The following CEP152 variants were observed in gnomAD, a reference collection of about 807,000 sequenced individuals.
CEP152 encodes the protein centrosomal protein 152.
Under a neutral mutation model 188.9 loss-of-function variants are expected in CEP152, and 132 were observed. That is an observed-to-expected ratio of 0.70 (90% CI 0.61 to 0.81). The LOEUF (loss-of-function observed/expected upper bound fraction) is 0.81. CEP152 is among the 30% of genes least tolerant of loss of function. CEP152 has a pLI of 0.00. For synonymous variants in CEP152, 649 were observed against 666.6 expected (o/e 0.97, Z 0.41); for missense variants, 1,914 against 1,969.8 (o/e 0.97, Z 0.54).
At chr15:48,794,671 T>C (rs1046783538) in intron 6 of CEP152, among the ~76,000 whole-genome samples, 1 of 152,212 alleles carries the variant, frequency 6.6e-6, no homozygotes, top group Non-Finnish European at 1.5e-5. Context: ...GAAAGGTTTT[T>C]ATATGCAGAA....
intron 12 of CEP152, among the ~76,000 whole-genome samples, chr15:48,777,461 G>A (rs1321901993): frequency 9.7e-6 from 1 of 102,878 alleles, no homozygotes; most frequent in Non-Finnish European, 2.0e-5. Flanking sequence ...TAAAATCTTA[G>A]AATATTGTGT....
chr15:48,739,036 C>T lies in CEP152; in HGVS notation c.4346G>A (p.Ser1449Asn). Residue 1449 changes from serine (S) to asparagine (N), a missense_variant, in exon 27 of 27, where the codon AGT (serine) becomes AAT (asparagine). Coordinates refer to ENST00000380950, the MANE Select transcript of CEP152 (RefSeq NM_001194998.2). ...THLEFQFGDG[S>N]CKHLNSLPRN... ...TGGCAAACTGTTTAGGTGCTTGCAA[C>T]TACCATCCCCAAACTGGAATTCCAA... 6.2e-7 allele frequency: 1 copy of T among 1,614,184 alleles called. No individual in the cohort carries two copies. Among genetic ancestry groups the T allele is most frequent in the Non-Finnish European group, 8.5e-7 (1 of 1,180,018 alleles).
chr15:48,768,000 T>C (rs1416493286), intron 15 of CEP152, among the ~76,000 whole-genome samples: 2 of 152,236 alleles, frequency 1.3e-5, no homozygotes, highest in Non-Finnish European at 1.5e-5. Context: ...ACAGTTTCAA[T>C]GATACTATAG....
downstream of CEP152, among the ~76,000 whole-genome samples, chr15:48,737,451 T>C (rs1326819870): frequency 3.3e-5 from 5 of 152,328 alleles, no homozygotes; most frequent in Middle Eastern, 6.8e-3. Flanking sequence ...ACCTTTAACC[T>C]AGAGCATTAA....
At position 48,772,510 on chromosome 15, in the gene CEP152, CCTT is replaced by C. The variant is rs752378594; in HGVS notation, c.1756_1758del (p.Lys586del). On this transcript the variant is annotated inframe_deletion, in exon 13 of 27. Transcript: ENST00000380950. Reference sequence around the variant, plus strand: ...ACCTCAACCTCAATGCTTTTTTCATCCTTCTTCACTTGGTGGAGATCTTCAATT... The same window carrying C: ...ACCTCAACCTCAATGCTTTTTTCATCCTTCACTTGGTGGAGATCTTCAATT... 8.6e-5 allele frequency: 138 copies of C among 1,612,926 alleles called. No individual in the cohort carries two copies. The African/African-American group carries it at 1.6e-3, about 18-fold the overall frequency.
At chr15:48,768,696 C>G (rs913437248) in intron 14 of CEP152, among the ~76,000 whole-genome samples, 28 of 152,188 alleles carry the variant, frequency 1.8e-4, no homozygotes, top group Non-Finnish European at 5.9e-5. Context: ...GGGTCAAGAG[C>G]TGGCTAAGGA....
rs372487939 is a variant in CEP152, at chr15:48,756,190, G to A, written c.3058C>T (p.Leu1020=). The A allele has an allele frequency of 1.2e-6, 2 of 1,613,962 alleles. No individual in the cohort carries two copies. Among genetic ancestry groups the A allele is most frequent in the South Asian group, 2.2e-5 (2 of 91,046 alleles). ...GTCCATTCTCTACGACTCTGGTCTA[G>A]ACAAGTTTGTAATTCTGTCTCCTTC... is the stretch of plus-strand genomic sequence containing the variant. The part of the protein sequence containing the change: ...LQKETELQTC[L]DQSRREWTMQ... The change falls in exon 20 of 27, where the codon CTA becomes TTA. Residue 1020 remains leucine (L), a synonymous_variant. Coordinates refer to ENST00000380950, the MANE Select transcript of CEP152 (RefSeq NM_001194998.2).
chr15:48,748,870 T>C (rs553298548), intron 21 of CEP152, among the ~76,000 whole-genome samples: 3 of 152,196 alleles, frequency 2.0e-5, no homozygotes, highest in African/African-American at 7.2e-5. Flanking sequence ...AAAATAGTCA[T>C]GAAACCTATT....
In CEP152 at chr15:48,791,302, G is replaced by C. The variant is rs1567022449; in HGVS notation, c.907C>G (p.Gln303Glu). Residue 303 changes from glutamine to glutamate, a missense_variant, in exon 8 of 27, where the codon CAG (glutamine) becomes GAG (glutamate). Physicochemically the swap from Gln to Glu is conservative, Grantham distance 29. Transcript: ENST00000380950. ...LFQNGKEREI[Q>E]LEAQIKALET... The stretch of plus-strand genomic sequence containing the variant: ...AGTGCTTTTATTTGAGCTTCAAGCT[G>C]TATCTCTCTTTCTTTTCCATTCTGA... The C allele has an allele frequency of 6.2e-7, 1 of 1,612,788 alleles. No individual in the cohort carries two copies. Among genetic ancestry groups the C allele is most frequent in the Admixed American group, 1.7e-5 (1 of 60,016 alleles).
chr15:48,776,543 C>T (rs374021810), intron 12 of CEP152, among the ~76,000 whole-genome samples: 1 of 152,172 alleles, frequency 6.6e-6, no homozygotes, highest in East Asian at 1.9e-4. Flanking sequence ...TGAATAAAGA[C>T]TTGACTACAA....
intron 2 of CEP152, among the ~76,000 whole-genome samples, chr15:48,732,532 C>T (rs1892456980): frequency 6.6e-6 from 1 of 151,872 alleles, no homozygotes; most frequent in African/African-American, 2.4e-5. Flanking sequence ...GAACAACACA[C>T]ACCAGGGCCT....
intron 10 of CEP152, among the ~76,000 whole-genome samples, chr15:48,782,663 C>G (rs1192660805): frequency 6.6e-6 from 1 of 152,166 alleles, no homozygotes. Flanking sequence ...AGCATCCCCA[C>G]CTCCACATGT....
Position 48,805,668 on chromosome 15 carries a change from G to C in CEP152, c.-7-12C>G. On this transcript the variant is annotated splice_polypyrimidine_tract_variant and intron_variant, in intron 1 of 26. Transcript: ENST00000380950. ...ATGACATGGTCCTCCTGTGGGAAGG[G>C]AAAGATGTTTGGTTTCTGGACACCA... 1 of 1,613,366 alleles carries C rather than the reference G, an allele frequency of 6.2e-7. No individual in the cohort carries two copies. Among genetic ancestry groups the C allele is most frequent in the Non-Finnish European group, 8.5e-7 (1 of 1,179,692 alleles).
chr15:48,772,353 G>A (rs1041004122), intron 13 of CEP152, 134 bp downstream of exon 13: 6 of 742,150 alleles, frequency 8.1e-6, no homozygotes, highest in African/African-American at 7.0e-5. Flanking sequence ...TGAGGCTACA[G>A]GGAGCCATGT....
At position 48,805,646 on chromosome 15, in the gene CEP152, A is replaced by T. The variant is rs374200686; in HGVS notation, c.4T>A (p.Ser2Thr). 1.7e-4 allele frequency: 269 copies of T among 1,613,286 alleles called. No homozygotes were observed. The highest frequency in any genetic ancestry group is 6.7e-5 in the Admixed American group (4 of 59,972). The stretch of plus-strand genomic sequence containing the variant: ...AGTGCCACACTGCCAAAGTCTAATG[A>T]CATGGTCCTCCTGTGGGAAGGGAAA... MSLDFGSVALPV... is the reference protein window; with the variant it reads MTLDFGSVALPV... Residue 2 changes from serine (S) to threonine (T), a missense_variant, in exon 2 of 27, where the codon TCA becomes ACA. Coordinates refer to ENST00000380950, the MANE Select transcript of CEP152 (RefSeq NM_001194998.2).
rs1894576215 is a variant in CEP152, at chr15:48,760,182, C to T, written c.2647G>A (p.Glu883Lys). 6 of 1,614,106 alleles carry T rather than the reference C, an allele frequency of 3.7e-6. No homozygotes were observed. The highest frequency in any genetic ancestry group is 5.1e-6 in the Non-Finnish European group (6 of 1,179,964). ...LAEYQALVKA[E>K]QKKWEEQHEV... ...TGCTGTTCTTCCCACTTTTTCTGTTCTGCCTTCACAAGTGCTTGATACTCT... is the reference window on the plus strand; with the variant it reads ...TGCTGTTCTTCCCACTTTTTCTGTTTTGCCTTCACAAGTGCTTGATACTCT... The change falls in exon 19 of 27, where the codon GAA (glutamate) becomes AAA (lysine). Residue 883 changes from glutamate to lysine, a missense_variant. By Grantham distance (56) the Glu-to-Lys change is moderately conservative (BLOSUM62 1). Coordinates refer to ENST00000380950, the MANE Select transcript of CEP152 (RefSeq NM_001194998.2).
At chr15:48,740,223 A>G (rs1242208865) in intron 26 of CEP152, among the ~76,000 whole-genome samples, 1 of 152,190 alleles carries the variant, frequency 6.6e-6, no homozygotes, top group Non-Finnish European at 1.5e-5. Flanking sequence ...ATTATGAACT[A>G]TCAGCTTTGT....
intron 19 of CEP152, among the ~76,000 whole-genome samples, chr15:48,757,407 C>T (rs1240967117): frequency 1.3e-5 from 2 of 152,178 alleles, no homozygotes; most frequent in Non-Finnish European, 2.9e-5. Context: ...AGCCCAGAGC[C>T]TGGCAGATGA....
At position 48,760,149 on chromosome 15, in the gene CEP152, A is replaced by T. The variant is rs1190999527; in HGVS notation, c.2680T>A (p.Ser894Thr). Residue 894 changes from serine to threonine, a missense_variant, in exon 19 of 27, where the codon TCT (serine) becomes ACT (threonine). Ser to Thr is a moderately conservative substitution (Grantham distance 58). Transcript: ENST00000380950. The stretch of plus-strand genomic sequence containing the variant: ...AGAGCTCTTACCCTTTTGTTCACAG[A>T]GACCTCATGCTGTTCTTCCCACTTT... ...QKKWEEQHEVSVNKRISFAVS... is the reference protein window; with the variant it reads ...QKKWEEQHEVTVNKRISFAVS... 7 of 1,613,926 alleles carry T rather than the reference A, an allele frequency of 4.3e-6. No individual in the cohort carries two copies. Among genetic ancestry groups the T allele is most frequent in the African/African-American group, 1.3e-5 (1 of 74,934 alleles).
Sources: gnomAD v4.1 joint callset for allele counts (sites outside exome capture counted in the v4.1 genomes callset) on GRCh38, gnomAD v4.1.1 for gene constraint, MANE v1.5 for transcripts, NCBI Gene and HGNC (gene_info 2026-07-23, HGNC 2026-07-21) for gene names.